CD53: variants seen among roughly 807,000 people sequenced by gnomAD.
The protein encoded by CD53 is CD53 molecule.
In CD53, 20 loss-of-function variants were observed where a neutral mutation model predicts 27.3. The observed-to-expected ratio is 0.73, with a 90% CI of 0.52 to 1.07. The LOEUF is 1.07. CD53 is among the 50% of genes least tolerant of loss of function. The pLI is 0.00. For synonymous variants in CD53, 106 were observed against 105.3 expected (o/e 1.01, Z -0.04); for missense variants, 216 against 264.0 (o/e 0.82, Z 1.26).
intron 1 of CD53, among the ~76,000 whole-genome samples, chr1:110,879,433 G>A (rs545170603): frequency 5.6e-4 from 86 of 152,324 alleles, no homozygotes; most frequent in Non-Finnish European, 1.0e-3. Flanking sequence ...GTGTTCCACA[G>A]AATACTATGT....
chr1:110,871,526 T>C (rs545414575), upstream of CD53, among the ~76,000 whole-genome samples: 65 of 152,146 alleles, frequency 4.3e-4, 1 homozygote, highest in Non-Finnish European at 4.9e-4. Flanking sequence ...GGATATTGGA[T>C]TTGAGGTGCC....
rs745562046 is a variant in CD53, at chr1:110,892,434, G to T, written c.153G>T (p.Thr51=). ...GVLFHNLPSL[T]LGNVFVIVGS... ...TCTTCCATAACCTCCCCTCCCTCAC[G>T]CTGGGCAATGTGTTTGTCATCGTGG... Residue 51 remains threonine, a synonymous_variant, in exon 3 of 8, where the codon ACG becomes ACT. Transcript: ENST00000271324. 2 of 1,613,736 alleles carry T rather than the reference G, an allele frequency of 1.2e-6. No homozygotes were observed. The highest frequency in any genetic ancestry group is 1.7e-5 in the Admixed American group (1 of 59,988).
intron 1 of CD53, among the ~76,000 whole-genome samples, chr1:110,890,697 A>T (rs919814562): frequency 6.6e-6 from 1 of 152,166 alleles, no homozygotes; most frequent in Non-Finnish European, 1.5e-5. Flanking sequence ...TAAGAAAATG[A>T]TATTCTAGTT....
At chr1:110,872,363 G>C (rs191218760), upstream of CD53, among the ~76,000 whole-genome samples, 8 of 152,132 alleles carry the variant, frequency 5.3e-5, no homozygotes, top group African/African-American at 1.9e-4. Context: ...CTCTTTGAGC[G>C]CCTGTTTTCT....
At chr1:110,892,031 T>C (rs974583961) in intron 2 of CD53, among the ~76,000 whole-genome samples, 5 of 152,212 alleles carry the variant, frequency 3.3e-5, no homozygotes, top group African/African-American at 1.2e-4. Flanking sequence ...GAGAAAGCCA[T>C]GTGTGAGCGA....
At chr1:110,872,581 G>A (rs964723592), upstream of CD53, among the ~76,000 whole-genome samples, 8 of 152,244 alleles carry the variant, frequency 5.3e-5, no homozygotes, top group Non-Finnish European at 4.4e-5. Context: ...ATTATGCCTT[G>A]GGGACTCACC....
chr1:110,877,876 A>C (rs576935690), intron 1 of CD53, among the ~76,000 whole-genome samples: 1 of 152,306 alleles, frequency 6.6e-6, no homozygotes, highest in East Asian at 1.9e-4. Flanking sequence ...TACAGCGATA[A>C]CTTTGATTGC....
At chr1:110,874,250 AG>A (rs1379885262) in intron 1 of CD53, among the ~76,000 whole-genome samples, 2 of 152,160 alleles carry the variant, frequency 1.3e-5, no homozygotes, top group Non-Finnish European at 2.9e-5. Flanking sequence ...GGACGGGGAG[AG>A]GGCTCTGGAT....
At chr1:110,871,845 A>ACACACC (rs1194248479), upstream of CD53, among the ~76,000 whole-genome samples, 1 of 151,666 alleles carries the variant, frequency 6.6e-6, no homozygotes, top group Non-Finnish European at 1.5e-5. Flanking sequence ...ACACACACAC[A>ACACACC]CACCACACAG....
chr1:110,878,393 TGC>T (rs763779825), intron 1 of CD53, among the ~76,000 whole-genome samples: 26 of 151,880 alleles, frequency 1.7e-4, no homozygotes, highest in Non-Finnish European at 3.2e-4. Context: ...GTAATTACCT[TGC>T]GAATGCTCTT....
chr1:110,890,759 T>A (rs1656818966), intron 1 of CD53, among the ~76,000 whole-genome samples: 2 of 152,232 alleles, frequency 1.3e-5, no homozygotes, highest in Admixed American at 1.3e-4. Context: ...CATTGCATAT[T>A]TGTTGGCTTG....
chr1:110,886,867 A>ATTTT (rs1275613699), intron 1 of CD53, among the ~76,000 whole-genome samples: 1,143 of 41,280 alleles, frequency 0.028, 9 homozygotes, highest in African/African-American at 0.045. Context: ...ATATATATAT[A>ATTTT]TATTTTTTTT....
At chr1:110,895,399 G>A (rs901504245) in intron 5 of CD53, among the ~76,000 whole-genome samples, 2 of 152,180 alleles carry the variant, frequency 1.3e-5, no homozygotes, top group Non-Finnish European at 2.9e-5. Context: ...TTGCCATTGA[G>A]TTCCCGAGTT....
upstream of CD53, among the ~76,000 whole-genome samples, chr1:110,872,624 C>T (rs1418252351): frequency 6.6e-6 from 1 of 152,184 alleles, no homozygotes; most frequent in African/African-American, 2.4e-5. Context: ...ACAGAGAAGT[C>T]TGCAAATGGT....
In CD53 at chr1:110,892,403, G is replaced by A. The variant is rs991700465; in HGVS notation, c.122G>A (p.Gly41Glu). ...TACCTGCTGATCCACAACAACTTCGGAGTGCTCTTCCATAACCTCCCCTCC... is the reference window on the plus strand; with the variant it reads ...TACCTGCTGATCCACAACAACTTCGAAGTGCTCTTCCATAACCTCCCCTCC... The part of the protein sequence containing the change: ...GIYLLIHNNF[G>E]VLFHNLPSLT... Residue 41 changes from glycine to glutamate, a missense_variant, in exon 3 of 8, where the codon GGA (glycine) becomes GAA (glutamate). Gly to Glu is a moderately conservative substitution (Grantham distance 98, BLOSUM62 -2). Coordinates refer to ENST00000271324, the MANE Select transcript of CD53 (RefSeq NM_000560.4). 10 of 1,614,008 alleles carry A rather than the reference G, an allele frequency of 6.2e-6. No individual in the cohort carries two copies. Among genetic ancestry groups the A allele is most frequent in the Non-Finnish European group, 8.5e-6 (10 of 1,179,890 alleles).
chr1:110,895,207 G>A, intron 5 of CD53, 152 bp downstream of exon 5: 1 of 631,216 alleles, frequency 1.6e-6, no homozygotes, highest in South Asian at 1.8e-5. Flanking sequence ...AAACATGGGA[G>A]CCCAGTAATT....
At chr1:110,896,853 A>G in intron 6 of CD53, 120 bp downstream of exon 6, 2 of 819,688 alleles carry the variant, frequency 2.4e-6, no homozygotes, top group Non-Finnish European at 3.9e-6. Flanking sequence ...CTTGAATAAA[A>G]GAGAGGCCAG....
At chr1:110,897,777 G>C (rs562808929) in intron 6 of CD53, 32 bp from the exon 7 acceptor site, 1 of 1,289,264 alleles carries the variant, frequency 7.8e-7, no homozygotes, top group East Asian at 2.3e-5. Context: ...GAATTATAGA[G>C]TAGTATCATT....
chr1:110,891,445 C>T lies in CD53; in HGVS notation c.37C>T (p.Leu13=), dbSNP rs140675492. Residue 13 remains leucine (L), a synonymous_variant, in exon 2 of 8, where the codon CTG becomes TTG. Transcript: ENST00000271324. ...MSSLKLLKYV[L]FFFNLLFWIC... Reference sequence around the variant, plus strand: ...TAGCTTGAAACTGCTGAAGTATGTCCTGTTTTTCTTCAACTTGCTCTTTTG... The same window carrying T: ...TAGCTTGAAACTGCTGAAGTATGTCTTGTTTTTCTTCAACTTGCTCTTTTG... 4.5e-5 allele frequency: 72 copies of T among 1,613,870 alleles called. 1 individual carries two copies. The African/African-American group carries it at 7.5e-4, about 17-fold the overall frequency.
Sources: allele counts gnomAD v4.1 joint callset (sites outside exome capture counted in the v4.1 genomes callset), GRCh38; gene constraint gnomAD v4.1.1; transcripts MANE v1.5; gene names NCBI Gene and HGNC (gene_info 2026-07-23, HGNC 2026-07-21).